Variants in KCNIP4 observed in about 807,000 individuals in gnomAD.
The protein encoded by KCNIP4 is potassium voltage-gated channel interacting protein 4.
KCNIP4 carries 12 observed loss-of-function variants against 34.0 expected under a neutral mutation model. The ratio of observed to expected loss-of-function variants is 0.35; its 90% CI spans 0.23 to 0.57. The LOEUF (loss-of-function observed/expected upper bound fraction) is 0.57, where lower values mean the gene tolerates loss of function less well. KCNIP4 is among the 20% of genes least tolerant of loss of function. KCNIP4 has a pLI of 0.83. For missense variants in KCNIP4, 238 were observed against 311.7 expected (o/e 0.76, Z 1.78); for synonymous variants, 124 against 102.2 (o/e 1.21, Z -1.29).
chr4:21,565,437 C>T (rs961144026), intron 1 of KCNIP4, among the ~76,000 whole-genome samples: 1 of 152,116 alleles, frequency 6.6e-6, no homozygotes, highest in African/African-American at 2.4e-5. Flanking sequence ...AAGGCTTCAA[C>T]ATACAAATTT....
chr4:21,741,017 G>A lies in KCNIP4; in HGVS notation c.61+207554C>T, dbSNP rs538769121. The stretch of plus-strand genomic sequence containing the variant: ...AAAAAAATTCAGAGGCAATGACACA[G>A]GGACTTGGAGAGACAGTGTGGAAAA... On this transcript the variant is annotated intron_variant, in intron 1 of 8. Transcript: ENST00000382152. Among the ~76,000 whole-genome samples the A allele has an allele frequency of 3.9e-4, 59 of 152,218 alleles. 1 individual carries two copies. Among genetic ancestry groups the A allele is most frequent in the African/African-American group, 1.4e-3 (57 of 41,538 alleles).
intron 1 of KCNIP4, among the ~76,000 whole-genome samples, chr4:21,342,596 C>A (rs1486734714): frequency 4.6e-5 from 7 of 151,810 alleles, no homozygotes; most frequent in South Asian, 2.1e-4. Flanking sequence ...GATTTATTTG[C>A]TTTTTTCTGT....
At chr4:21,918,750 C>A (rs572692020) in intron 1 of KCNIP4, among the ~76,000 whole-genome samples, 1 of 152,166 alleles carries the variant, frequency 6.6e-6, no homozygotes, top group African/African-American at 2.4e-5. Flanking sequence ...AGACAGTGTC[C>A]GGTCAGATCA....
intron 1 of KCNIP4, among the ~76,000 whole-genome samples, chr4:21,032,918 C>T (rs1167852776): frequency 6.6e-6 from 1 of 152,100 alleles, no homozygotes; most frequent in Non-Finnish European, 1.5e-5. Flanking sequence ...ACCTCCCTAC[C>T]TGTGAGGGAG....
intron 1 of KCNIP4, among the ~76,000 whole-genome samples, chr4:20,905,870 CTTAA>C (rs1304748090): frequency 2.0e-5 from 3 of 151,992 alleles, no homozygotes; most frequent in African/African-American, 7.3e-5. Context: ...ACAGTTAAAG[CTTAA>C]TTAAATTCGC....
intron 1 of KCNIP4, among the ~76,000 whole-genome samples, chr4:21,401,076 G>A (rs1052409309): frequency 2.0e-5 from 3 of 152,168 alleles, no homozygotes; most frequent in South Asian, 2.1e-4. Flanking sequence ...CAGGAGAGTC[G>A]CTTGAATCCA....
At chr4:21,190,421 C>T (rs555994821) in intron 1 of KCNIP4, among the ~76,000 whole-genome samples, 4 of 151,540 alleles carry the variant, frequency 2.6e-5, no homozygotes, top group South Asian at 2.1e-4. Flanking sequence ...AGGAGAGCAC[C>T]GCCCAACAAG....
intron 1 of KCNIP4, among the ~76,000 whole-genome samples, chr4:21,672,802 C>A (rs1248123619): frequency 1.3e-5 from 2 of 152,178 alleles, no homozygotes; most frequent in Non-Finnish European, 2.9e-5. Context: ...GCTTCTGGCC[C>A]AGCATTGCTC....
intron 1 of KCNIP4, among the ~76,000 whole-genome samples, chr4:21,143,158 A>T (rs1218641744): frequency 6.6e-6 from 1 of 152,180 alleles, no homozygotes; most frequent in East Asian, 1.9e-4. Context: ...TGAAGTCCTA[A>T]GTCAGTTGAC....
At chr4:21,503,339 G>T (rs1164026453) in intron 1 of KCNIP4, among the ~76,000 whole-genome samples, 1 of 152,124 alleles carries the variant, frequency 6.6e-6, no homozygotes, top group Admixed American at 6.6e-5. Flanking sequence ...GTGGAAAGAG[G>T]TATTCAAAGC....
intron 1 of KCNIP4, among the ~76,000 whole-genome samples, chr4:21,603,393 A>G (rs911264814): frequency 6.6e-6 from 1 of 152,198 alleles, no homozygotes; most frequent in African/African-American, 2.4e-5. Flanking sequence ...GAAGAAAGAA[A>G]GGAAAGAAAG....
chr4:21,657,700 A>G lies in KCNIP4; in HGVS notation c.61+290871T>C, dbSNP rs182520305. 2.2e-4 allele frequency among the ~76,000 whole-genome samples: 34 copies of G among 152,330 alleles called. No homozygotes were observed. The East Asian group carries it at 5.0e-3, about 22-fold the overall frequency. On this transcript the variant is annotated intron_variant, in intron 1 of 8. Coordinates refer to ENST00000382152, the MANE Select transcript of KCNIP4 (RefSeq NM_025221.6). The stretch of plus-strand genomic sequence containing the variant: ...TGAATGAGGCTCTTTCTTTGAGTCA[A>G]TGTGTAAGGGTTCATGTACAGACCT...
At chr4:21,146,323 G>A (rs975568051) in intron 1 of KCNIP4, among the ~76,000 whole-genome samples, 3 of 152,098 alleles carry the variant, frequency 2.0e-5, no homozygotes, top group African/African-American at 7.2e-5. Flanking sequence ...GGGTGAACCC[G>A]GGAGGCGGAG....
chr4:21,743,591 C>A (rs1458562684), intron 1 of KCNIP4, among the ~76,000 whole-genome samples: 1 of 151,380 alleles, frequency 6.6e-6, no homozygotes, highest in Non-Finnish European at 1.5e-5. Context: ...ATTTTAAATA[C>A]CAAAATAATA....
chr4:20,747,885 T>C (rs1371857215), intron 5 of KCNIP4, among the ~76,000 whole-genome samples: 1 of 152,192 alleles, frequency 6.6e-6, no homozygotes, highest in South Asian at 2.1e-4. Context: ...ACAAAGCCAT[T>C]TCACCCAGAT....
chr4:21,740,021 A>T (rs1716289201), intron 1 of KCNIP4, among the ~76,000 whole-genome samples: 1 of 152,102 alleles, frequency 6.6e-6, no homozygotes, highest in Admixed American at 6.5e-5. Context: ...AGGGTTTCAA[A>T]ATGTGGATGA....
intron 1 of KCNIP4, among the ~76,000 whole-genome samples, chr4:21,528,758 A>G (rs550024037): frequency 6.4e-4 from 6 of 9,422 alleles, no homozygotes; most frequent in African/African-American, 2.8e-3. Flanking sequence ...AAAGAAAGAA[A>G]GAAAGAAAGA....
chr4:20,759,285 C>A (rs976061169), intron 3 of KCNIP4, among the ~76,000 whole-genome samples: 2 of 152,158 alleles, frequency 1.3e-5, no homozygotes, highest in African/African-American at 4.8e-5. Context: ...TCTGAACTCA[C>A]ATAATCTTCG....
At chr4:21,666,815 A>C (rs1169403020) in intron 1 of KCNIP4, among the ~76,000 whole-genome samples, 1 of 152,170 alleles carries the variant, frequency 6.6e-6, no homozygotes, top group African/African-American at 2.4e-5. Context: ...CGCTTCAGCT[A>C]GTGGTGGTGA....
Sources: allele counts gnomAD v4.1 joint callset (sites outside exome capture counted in the v4.1 genomes callset), GRCh38; gene constraint gnomAD v4.1.1; transcripts MANE v1.5; gene names NCBI Gene and HGNC (gene_info 2026-07-23, HGNC 2026-07-21).